Variants in TENT5D observed in about 807,000 individuals in gnomAD.
TENT5D encodes the protein terminal nucleotidyltransferase 5D, also known as cancer/testis antigen 112.
For missense variants in TENT5D, 191 were observed against 287.0 expected, an observed-to-expected ratio of 0.67 and a Z score of 2.42; for synonymous variants, 103 against 100.6, an observed-to-expected ratio of 1.02 and a Z score of -0.15.
rs987410604 is a variant in TENT5D at position 80,424,760 on chromosome X, A to G, written c.-142+4197A>G. ...TCTCATACTTGGCCTGATTATTTAC[A>G]GAAACTGCAGCAAGAATAATTACCT... is the stretch of plus-strand genomic sequence containing the variant. On this transcript the variant is annotated intron_variant, in intron 1 of 2. Transcript: ENST00000308293. 2.7e-5 allele frequency among the ~76,000 whole-genome samples: 3 copies of G among 112,815 alleles called. No homozygotes were observed. The Admixed American group carries it at 2.8e-4, about 11-fold the overall frequency.
chrX:80,346,486 C>A (rs779115777), intron 3 of TENT5D, among the ~76,000 whole-genome samples: 1 of 111,613 alleles, frequency 9.0e-6, no homozygotes, highest in East Asian at 2.8e-4. Flanking sequence ...TGTCACATAC[C>A]TTCACTGGCA....
intron 1 of TENT5D, among the ~76,000 whole-genome samples, chrX:80,433,070 T>C (rs1307027814): frequency 9.0e-6 from 1 of 110,895 alleles, no homozygotes; most frequent in Non-Finnish European, 1.9e-5. Context: ...GGGCTCACAG[T>C]CCAAAGCTTG....
At chrX:80,343,003 T>G (rs1239439255) in intron 3 of TENT5D, among the ~76,000 whole-genome samples, 1 of 111,276 alleles carries the variant, frequency 9.0e-6, no homozygotes, top group Non-Finnish European at 1.9e-5. Context: ...TGGATACTTT[T>G]AAGTCAACTT....
At chrX:80,342,654 A>G (rs2147512090) in intron 3 of TENT5D, 1 of 112,326 alleles carries the variant, frequency 8.9e-6, no homozygotes, top group East Asian at 2.8e-4. Flanking sequence ...ACATCAGATT[A>G]GTGTGAATTA....
intron 3 of TENT5D, among the ~76,000 whole-genome samples, chrX:80,409,487 C>T (rs1398602625): frequency 9.0e-6 from 1 of 110,819 alleles, no homozygotes; most frequent in Non-Finnish European, 1.9e-5. Context: ...GAGTGAACTC[C>T]CATTCACAAT....
At chrX:80,363,841 G>A (rs1258258726) in intron 3 of TENT5D, among the ~76,000 whole-genome samples, 1 of 112,119 alleles carries the variant, frequency 8.9e-6, no homozygotes, top group Non-Finnish European at 1.9e-5. Flanking sequence ...TTGTATTTAA[G>A]ATATGCGGTG....
intron 3 of TENT5D, among the ~76,000 whole-genome samples, chrX:80,402,654 A>G (rs1931409233): frequency 9.0e-6 from 1 of 111,665 alleles, no homozygotes; most frequent in African/African-American, 3.3e-5. Context: ...CTGTTTTTTC[A>G]GGAGCATGGT....
upstream of TENT5D, among the ~76,000 whole-genome samples, chrX:80,419,723 C>A (rs1243455303): frequency 8.9e-6 from 1 of 111,941 alleles, no homozygotes; most frequent in East Asian, 2.8e-4. Context: ...TTAACTGTTT[C>A]TTTTTGAGAC....
intron 3 of TENT5D, among the ~76,000 whole-genome samples, chrX:80,347,813 AT>A (rs1488581054): frequency 8.9e-6 from 1 of 112,120 alleles, no homozygotes; most frequent in African/African-American, 3.2e-5. Context: ...CAGGTTTTAC[AT>A]TTAAGTCTTT....
chrX:80,424,465 G>A, intron 1 of TENT5D, among the ~76,000 whole-genome samples: 1 of 111,946 alleles, frequency 8.9e-6, no homozygotes, highest in East Asian at 2.8e-4. Context: ...GGACTTGTGG[G>A]ATAATTGCCC....
At chrX:80,391,409 CTAAA>C (rs1215421513) in intron 3 of TENT5D, among the ~76,000 whole-genome samples, 2 of 111,844 alleles carry the variant, frequency 1.8e-5, no homozygotes, top group Non-Finnish European at 3.8e-5. Flanking sequence ...ATACTTTAAA[CTAAA>C]TAATATTCTG....
chrX:80,405,721 G>A (rs1233288794), intron 3 of TENT5D, among the ~76,000 whole-genome samples: 3 of 112,474 alleles, frequency 2.7e-5, no homozygotes, highest in East Asian at 2.8e-4. Flanking sequence ...AAACAAAGCA[G>A]CAGGGAAGCT....
chrX:80,440,089 C>A (rs1285511720), intron 2 of TENT5D, among the ~76,000 whole-genome samples: 2 of 111,662 alleles, frequency 1.8e-5, no homozygotes. Context: ...CACATCCTGG[C>A]AAGTTGTCAT....
chrX:80,342,786 T>C lies in TENT5D; in HGVS notation c.-142+222T>C, dbSNP rs549534893. 1.7e-4 allele frequency among the ~76,000 whole-genome samples: 19 copies of C among 112,004 alleles called. 1 individual carries two copies. The South Asian group carries it at 6.6e-3, about 39-fold the overall frequency. On this transcript the variant is annotated intron_variant, in intron 3 of 4. Coordinates refer to the TENT5D transcript ENST00000538312. ...AATTATGTTAATAAATAATGTATGA[T>C]TTCAATAAGCAGTTGTTCAAATTTG...
At chrX:80,391,873 A>G (rs2147538251) in intron 3 of TENT5D, among the ~76,000 whole-genome samples, 1 of 112,844 alleles carries the variant, frequency 8.9e-6, no homozygotes, top group African/African-American at 3.2e-5. Context: ...GCCGCTAGGC[A>G]CTAGACACAT....
At chrX:80,425,809 AC>A (rs1569372968) in intron 1 of TENT5D, among the ~76,000 whole-genome samples, 1 of 111,476 alleles carries the variant, frequency 9.0e-6, no homozygotes, top group Non-Finnish European at 1.9e-5. Context: ...TAGGCGGATT[AC>A]AAGGTCAGGA....
intron 3 of TENT5D, among the ~76,000 whole-genome samples, chrX:80,374,141 AAT>A (rs2147527782): frequency 9.0e-6 from 1 of 111,331 alleles, no homozygotes; most frequent in African/African-American, 3.3e-5. Context: ...AATGACCTCC[AAT>A]TCCAACCATG....
At chrX:80,408,704 T>C (rs1006863882) in intron 3 of TENT5D, among the ~76,000 whole-genome samples, 47 of 111,305 alleles carry the variant, frequency 4.2e-4, no homozygotes, top group Non-Finnish European at 1.3e-4. Flanking sequence ...TCTGAAACTA[T>C]TCCAATCAAT....
chrX:80,410,784 C>T (rs1372252920), intron 3 of TENT5D, among the ~76,000 whole-genome samples: 1 of 109,882 alleles, frequency 9.1e-6, no homozygotes, highest in African/African-American at 3.3e-5. Context: ...ACTATAAAGA[C>T]ACATGCACAC....
Sources: allele counts gnomAD v4.1 joint callset (sites outside exome capture counted in the v4.1 genomes callset), GRCh38; gene constraint gnomAD v4.1.1; transcripts MANE v1.5; gene names NCBI Gene and HGNC (gene_info 2026-07-23, HGNC 2026-07-21).